The following PAPSS1 variants were observed in gnomAD, a reference collection of about 807,000 sequenced individuals.
The protein encoded by PAPSS1 is 3'-phosphoadenosine 5'-phosphosulfate synthase 1.
In PAPSS1, 50 loss-of-function variants were observed where a neutral mutation model predicts 72.0. The observed-to-expected ratio is 0.69, with a 90% CI of 0.55 to 0.88. PAPSS1 has a LOEUF of 0.88. Among genes scored for constraint, PAPSS1 ranks in the 40% least tolerant of loss-of-function variants. PAPSS1 has a pLI of 0.00. For missense variants in PAPSS1, 657 were observed against 782.2 expected, an observed-to-expected ratio of 0.84 and a Z score of 1.91; for synonymous variants, 261 against 263.6, an observed-to-expected ratio of 0.99 and a Z score of 0.09.
chr4:107,716,011 G>C (rs1289392185), intron 1 of PAPSS1, among the ~76,000 whole-genome samples: 1 of 152,144 alleles, frequency 6.6e-6, no homozygotes, highest in Non-Finnish European at 1.5e-5. Context: ...CCCACATATG[G>C]AGCTTATTCC....
At chr4:107,639,935 A>C (rs1358410000) in intron 10 of PAPSS1, among the ~76,000 whole-genome samples, 1 of 152,216 alleles carries the variant, frequency 6.6e-6, no homozygotes, top group African/African-American at 2.4e-5. Flanking sequence ...TCTCTTAAAG[A>C]GTCAATTAAC....
chr4:107,671,862 T>C (rs1008003570), intron 5 of PAPSS1, among the ~76,000 whole-genome samples: 3 of 152,224 alleles, frequency 2.0e-5, no homozygotes, highest in African/African-American at 7.2e-5. Context: ...GTTGTATTAA[T>C]TTTCCTGAAT....
intron 5 of PAPSS1, among the ~76,000 whole-genome samples, chr4:107,680,573 A>G (rs1727779099): frequency 6.6e-6 from 1 of 152,052 alleles, no homozygotes; most frequent in African/African-American, 2.4e-5. Context: ...GGAGTTAAAC[A>G]CTCTTATGTC....
At chr4:107,638,485 C>A (rs1292057846) in intron 10 of PAPSS1, among the ~76,000 whole-genome samples, 7 of 152,124 alleles carry the variant, frequency 4.6e-5, no homozygotes, top group Non-Finnish European at 8.8e-5. Context: ...TAATTTTATT[C>A]TTGGAAGTGA....
At chr4:107,690,483 T>C (rs1319277632) in intron 3 of PAPSS1, among the ~76,000 whole-genome samples, 1 of 152,210 alleles carries the variant, frequency 6.6e-6, no homozygotes, top group Non-Finnish European at 1.5e-5. Context: ...CTTTCACATA[T>C]ATGTACTTCA....
chr4:107,652,229 A>C (rs1726859486), intron 9 of PAPSS1, among the ~76,000 whole-genome samples: 1 of 152,226 alleles, frequency 6.6e-6, no homozygotes, highest in Non-Finnish European at 1.5e-5. Context: ...CTTAGGGCCA[A>C]ACCATCTCTG....
At chr4:107,635,021 A>G (rs1383561942) in intron 10 of PAPSS1, among the ~76,000 whole-genome samples, 1 of 152,006 alleles carries the variant, frequency 6.6e-6, no homozygotes, top group Non-Finnish European at 1.5e-5. Flanking sequence ...GATGGTCTCG[A>G]TCTCCTGACC....
At chr4:107,636,554 A>G (rs1053958724) in intron 10 of PAPSS1, among the ~76,000 whole-genome samples, 2 of 152,176 alleles carry the variant, frequency 1.3e-5, no homozygotes, top group African/African-American at 4.8e-5. Context: ...TATGAATTCT[A>G]AGAAATCAAA....
chr4:107,649,305 C>T (rs1726779320), intron 9 of PAPSS1, among the ~76,000 whole-genome samples: 1 of 152,252 alleles, frequency 6.6e-6, no homozygotes, highest in African/African-American at 2.4e-5. Context: ...AGTGACCCTG[C>T]AACCAGCTTC....
chr4:107,675,149 C>A (rs556766606), intron 5 of PAPSS1, among the ~76,000 whole-genome samples: 1 of 152,170 alleles, frequency 6.6e-6, no homozygotes, highest in Non-Finnish European at 1.5e-5. Flanking sequence ...CAAACACATT[C>A]AAAAGCTAGC....
rs372545641 is a variant in PAPSS1 at position 107,658,887 on chromosome 4, T to C, written c.783+1072A>G. 1.2e-4 allele frequency among the ~76,000 whole-genome samples: 18 copies of C among 152,300 alleles called. No individual in the cohort carries two copies. The East Asian group carries it at 2.3e-3, about 20-fold the overall frequency. On this transcript the variant is annotated intron_variant, in intron 6 of 11. Transcript: ENST00000265174. ...TAGGCATGTGAGGAGGTGCAAAGAATAGCAGTGTGCCTTCCAGATGCTCTG... is the reference window on the plus strand; with the variant it reads ...TAGGCATGTGAGGAGGTGCAAAGAACAGCAGTGTGCCTTCCAGATGCTCTG...
chr4:107,616,901 T>TGAATAG (rs1725838655), intron 11 of PAPSS1, among the ~76,000 whole-genome samples: 2 of 152,204 alleles, frequency 1.3e-5, no homozygotes, highest in Non-Finnish European at 2.9e-5. Flanking sequence ...ACTATTCATA[T>TGAATAG]TAGAAGTTTC....
intron 2 of PAPSS1, among the ~76,000 whole-genome samples, chr4:107,694,704 A>C (rs192614257): frequency 6.6e-6 from 1 of 152,322 alleles, no homozygotes; most frequent in African/African-American, 2.4e-5. Context: ...CCTTGATACA[A>C]TTATCTGGGA....
chr4:107,627,305 A>G (rs1490130056), intron 11 of PAPSS1, among the ~76,000 whole-genome samples: 2 of 152,174 alleles, frequency 1.3e-5, no homozygotes, highest in Non-Finnish European at 2.9e-5. Flanking sequence ...GAATAATTTT[A>G]TTTCCCTCTC....
chr4:107,624,707 A>G (rs1183990794), intron 11 of PAPSS1, among the ~76,000 whole-genome samples: 1 of 152,196 alleles, frequency 6.6e-6, no homozygotes, highest in African/African-American at 2.4e-5. Context: ...TTATCTATTA[A>G]TGATCATGAA....
At position 107,680,527 on chromosome 4, in the gene PAPSS1, A is replaced by T. The variant is rs535114278; in HGVS notation, c.669+1488T>A. ...CCCTGTGCCTCCCAGTATGCCACAG[A>T]CATAACTGAAATCATGATTTCTAAC... On this transcript the variant is annotated intron_variant, in intron 5 of 11. Transcript: ENST00000265174. Among the ~76,000 whole-genome samples, 9 of 152,324 alleles carry T rather than the reference A, an allele frequency of 5.9e-5. No homozygotes were observed. In the East Asian group the frequency reaches 7.7e-4, roughly 13 times the overall value.
chr4:107,676,675 A>G (rs1727660570), intron 5 of PAPSS1, among the ~76,000 whole-genome samples: 1 of 152,216 alleles, frequency 6.6e-6, no homozygotes, highest in African/African-American at 2.4e-5. Flanking sequence ...ATAGAATTGG[A>G]AAAAACTACT....
chr4:107,639,822 GGT>G (rs1377764177), intron 10 of PAPSS1, among the ~76,000 whole-genome samples: 1 of 152,136 alleles, frequency 6.6e-6, no homozygotes, highest in Non-Finnish European at 1.5e-5. Context: ...TCCAGATACT[GGT>G]GTAAAGCACA....
In PAPSS1 at chr4:107,634,867, G is replaced by T. The variant is rs1325467698; in HGVS notation, c.1507-3007C>A. Among the ~76,000 whole-genome samples, 3 of 137,650 alleles carry T rather than the reference G, an allele frequency of 2.2e-5. No homozygotes were observed. In the South Asian group the frequency reaches 6.7e-4, roughly 31 times the overall value. The allele number at this position is 137,650 out of a possible 152,430, so 90.3% of individuals were successfully genotyped here. A position where few individuals can be genotyped will look rare whatever the true frequency, so the allele number is the denominator to read the frequency against. ...CAGGCTGGAGTGCAGTGACGATCTC[G>T]GCTCAGTGCAAGCTCCGCCTCCTGG... On this transcript the variant is annotated intron_variant, in intron 10 of 11. Coordinates refer to ENST00000265174, the MANE Select transcript of PAPSS1 (RefSeq NM_005443.5).
Sources: gnomAD v4.1 joint callset for allele counts (sites outside exome capture counted in the v4.1 genomes callset) on GRCh38, gnomAD v4.1.1 for gene constraint, MANE v1.5 for transcripts, NCBI Gene and HGNC (gene_info 2026-07-23, HGNC 2026-07-21) for gene names.